Variants in NHS observed in about 807,000 individuals in gnomAD.
NHS encodes NHS actin remodeling regulator.
A neutral mutation model predicts 72.5 loss-of-function variants in NHS; 5 were observed. The ratio of observed to expected loss-of-function variants is 0.07; its 90% CI spans 0.04 to 0.14. The LOEUF (loss-of-function observed/expected upper bound fraction) is 0.14, where lower values mean the gene tolerates loss of function less well. Among genes scored for constraint, NHS ranks in the 10% least tolerant of loss-of-function variants. The probability of loss-of-function intolerance (pLI) is 1.00; values close to 1 mark genes in which losing one functional copy is unlikely to be tolerated. For missense variants in NHS, 1,072 were observed against 1,355.7 expected, an observed-to-expected ratio of 0.79 and a Z score of 3.29; for synonymous variants, 464 against 547.7, an observed-to-expected ratio of 0.85 and a Z score of 2.13.
intron 1 of NHS, among the ~76,000 whole-genome samples, chrX:17,619,053 C>T (rs1158420841): frequency 2.7e-5 from 3 of 112,480 alleles, no homozygotes; most frequent in Admixed American, 9.4e-5. Flanking sequence ...AGAGAGACTA[C>T]ATTTCCCAGC....
intron 1 of NHS, among the ~76,000 whole-genome samples, chrX:17,482,499 G>A (rs779478868): frequency 8.4e-4 from 95 of 112,462 alleles, no homozygotes; most frequent in African/African-American, 3.0e-3. Flanking sequence ...AGTGCTGAAG[G>A]TGCCATGTCT....
chrX:17,412,759 G>T (rs1301036443), intron 1 of NHS, among the ~76,000 whole-genome samples: 1 of 112,670 alleles, frequency 8.9e-6, no homozygotes, highest in African/African-American at 3.2e-5. Flanking sequence ...AACAATGTTT[G>T]CATGCTGACT....
intron 1 of NHS, among the ~76,000 whole-genome samples, chrX:17,490,083 A>G (rs184134446): frequency 4.7e-4 from 52 of 111,542 alleles, no homozygotes; most frequent in Non-Finnish European, 8.7e-4. Flanking sequence ...TTGCCTGTTC[A>G]CTCTGATGAT....
intron 1 of NHS, among the ~76,000 whole-genome samples, chrX:17,510,641 A>G (rs1485456957): frequency 9.0e-6 from 1 of 111,602 alleles, no homozygotes; most frequent in Non-Finnish European, 1.9e-5. Context: ...GATTTTCCCA[A>G]AGTAGCCTGG....
chrX:17,658,942 C>T (rs1021878833), intron 1 of NHS, among the ~76,000 whole-genome samples: 1 of 111,944 alleles, frequency 8.9e-6, no homozygotes, highest in Admixed American at 9.4e-5. Flanking sequence ...ATAGGTGAGC[C>T]CCAAATTTCA....
intron 3 of NHS, among the ~76,000 whole-genome samples, chrX:17,694,844 C>T (rs144935052): frequency 9.7e-4 from 109 of 111,860 alleles, no homozygotes; most frequent in Middle Eastern, 9.3e-3. Flanking sequence ...TAGGTCCAAC[C>T]GTGTTTAAAT....
At chrX:17,688,024 T>C (rs2066174475) in intron 2 of NHS, 130 bp downstream of exon 2, 1 of 724,375 alleles carries the variant, frequency 1.4e-6, no homozygotes, top group Non-Finnish European at 2.0e-6. Context: ...CTCCCGTTTC[T>C]ACCCTGAAAT....
intron 1 of NHS, among the ~76,000 whole-genome samples, chrX:17,490,830 A>T (rs756400316): frequency 2.7e-5 from 3 of 111,174 alleles, no homozygotes; most frequent in East Asian, 5.6e-4. Context: ...CTCCTTGAAG[A>T]GGTCCTTCAC....
chrX:17,623,079 C>G lies in NHS; in HGVS notation c.566-64663C>G, dbSNP rs937026959. ...AACAGCTAGGACTATAGTCATCCAC[C>G]ACCATGCCCTGCTAATTTTTTCTTT... On this transcript the variant is annotated intron_variant, in intron 1 of 8. Coordinates refer to ENST00000676302, the MANE Select transcript of NHS (RefSeq NM_001291867.2). Among the ~76,000 whole-genome samples, 6 of 111,168 alleles carry G rather than the reference C, an allele frequency of 5.4e-5. No homozygotes were observed. The East Asian group carries it at 1.7e-3, about 31-fold the overall frequency.
chrX:17,382,409 C>A (rs974527423), intron 1 of NHS, among the ~76,000 whole-genome samples: 3 of 111,872 alleles, frequency 2.7e-5, no homozygotes, highest in Non-Finnish European at 5.6e-5. Flanking sequence ...TTTGTATAGT[C>A]CAGTTTATCA....
chrX:17,542,291 G>A (rs1160819653), intron 1 of NHS, among the ~76,000 whole-genome samples: 1 of 113,383 alleles, frequency 8.8e-6, no homozygotes, highest in African/African-American at 3.2e-5. Flanking sequence ...TTGCAGAGGA[G>A]CAGTTTTTAC....
At chrX:17,538,597 A>T (rs2065244861) in intron 1 of NHS, among the ~76,000 whole-genome samples, 1 of 111,555 alleles carries the variant, frequency 9.0e-6, no homozygotes, top group African/African-American at 3.3e-5. Context: ...TCTGTGCTCC[A>T]GTGACCAGAG....
At chrX:17,563,886 A>G (rs775001270) in intron 1 of NHS, among the ~76,000 whole-genome samples, 10 of 111,357 alleles carry the variant, frequency 9.0e-5, no homozygotes, top group Non-Finnish European at 1.5e-4. Context: ...GGGCAGTGCT[A>G]TGCCTATTCT....
At chrX:17,386,639 G>A (rs1244312486) in intron 1 of NHS, among the ~76,000 whole-genome samples, 1 of 98,141 alleles carries the variant, frequency 1.0e-5, no homozygotes, top group African/African-American at 3.9e-5. Flanking sequence ...CGCCAGCCTG[G>A]GCAGCAAGAG....
intron 1 of NHS, among the ~76,000 whole-genome samples, chrX:17,600,887 T>C (rs1396506046): frequency 3.6e-5 from 4 of 111,829 alleles, no homozygotes; most frequent in Non-Finnish European, 5.6e-5. Flanking sequence ...CTGGTACTAT[T>C]ATCTGGCATG....
At chrX:17,650,738 T>C (rs1014401291) in intron 1 of NHS, among the ~76,000 whole-genome samples, 1 of 112,553 alleles carries the variant, frequency 8.9e-6, no homozygotes, top group African/African-American at 3.2e-5. Context: ...TTCTTCCAGC[T>C]CCTGTAAAAT....
intron 1 of NHS, among the ~76,000 whole-genome samples, chrX:17,445,963 A>G (rs193175301): frequency 1.8e-5 from 2 of 110,506 alleles, no homozygotes; most frequent in South Asian, 7.8e-4. Context: ...GGTCCTCCCA[A>G]TTCTTAGTCT....
intron 1 of NHS, among the ~76,000 whole-genome samples, chrX:17,437,538 C>T (rs939445290): frequency 1.8e-5 from 2 of 111,423 alleles, no homozygotes; most frequent in African/African-American, 6.5e-5. Flanking sequence ...AGATCCAGGA[C>T]AGGAATGAGA....
intron 1 of NHS, among the ~76,000 whole-genome samples, chrX:17,387,901 C>G (rs1004007513): frequency 1.8e-5 from 2 of 112,766 alleles, no homozygotes; most frequent in African/African-American, 6.4e-5. Flanking sequence ...TAATTATTGG[C>G]TATTATTGGC....
Sources: gnomAD v4.1 joint callset for allele counts (sites outside exome capture counted in the v4.1 genomes callset) on GRCh38, gnomAD v4.1.1 for gene constraint, MANE v1.5 for transcripts, NCBI Gene and HGNC (gene_info 2026-07-23, HGNC 2026-07-21) for gene names.